The following CRB1 variants were observed in gnomAD, a reference collection of about 807,000 sequenced individuals.
The protein encoded by CRB1 is crumbs cell polarity complex component 1.
Under a neutral mutation model 120.0 loss-of-function variants are expected in CRB1, and 83 were observed. That is an observed-to-expected ratio of 0.69 (90% CI 0.58 to 0.83). The LOEUF is 0.83. CRB1 is among the 40% of genes least tolerant of loss of function. CRB1 has a pLI of 0.00. For synonymous variants in CRB1, 625 were observed against 612.5 expected (o/e 1.02, Z -0.30); for missense variants, 1,699 against 1,687.6 (o/e 1.01, Z -0.12).
At chr1:197,211,018 A>G in the CRB1 span, among the ~76,000 whole-genome samples, 1 of 152,234 alleles carries the variant, frequency 6.6e-6, no homozygotes, top group African/African-American at 2.4e-5. Context: ...AATAAGCTTA[A>G]TCATAAACGG....
rs3818817 is a variant in CRB1, at chr1:197,347,631, C to T, written c.988+152C>T. 6 of 830,710 alleles carry T rather than the reference C, an allele frequency of 7.2e-6. No homozygotes were observed. The East Asian group carries it at 1.6e-4, about 22-fold the overall frequency. The allele number at this position is 830,710 out of a possible 1,614,324, so 51.5% of individuals were successfully genotyped here. A position where few individuals can be genotyped will look rare whatever the true frequency, so the allele number is the denominator to read the frequency against. On this transcript the variant is annotated intron_variant, in intron 4 of 11. Coordinates refer to ENST00000367400, the MANE Select transcript of CRB1 (RefSeq NM_201253.3). ...GTTTAGTTTTATTCTTCAGTGCTCA[C>T]ACATATTTACTGCTATACTAAATGT...
At chr1:197,433,085 G>A (rs1016835178) in intron 8 of CRB1, among the ~76,000 whole-genome samples, 21 of 150,100 alleles carry the variant, frequency 1.4e-4, no homozygotes, top group Non-Finnish European at 2.2e-4. Flanking sequence ...GAAGAGAGAC[G>A]GGGTCTTATT....
chr1:197,230,649 A>G, the CRB1 span, among the ~76,000 whole-genome samples: 5 of 152,142 alleles, frequency 3.3e-5, no homozygotes, highest in African/African-American at 1.2e-4. Flanking sequence ...CATGTCTACC[A>G]GTGGTATGTG....
At chr1:197,380,278 G>A (rs1168270959) in intron 5 of CRB1, among the ~76,000 whole-genome samples, 3 of 152,150 alleles carry the variant, frequency 2.0e-5, no homozygotes, top group Non-Finnish European at 4.4e-5. Flanking sequence ...ATTTATTTGA[G>A]TGAGTTTTAG....
intron 4 of CRB1, among the ~76,000 whole-genome samples, chr1:197,354,568 T>C (rs1660324284): frequency 6.6e-6 from 1 of 152,090 alleles, no homozygotes; most frequent in Non-Finnish European, 1.5e-5. Flanking sequence ...AGATGGCACG[T>C]CTGGCCGCGT....
In CRB1 at chr1:197,328,413, T is replaced by C. The variant is rs571591819; in HGVS notation, c.71-9T>C. 29 of 1,599,786 alleles carry C rather than the reference T, an allele frequency of 1.8e-5. No homozygotes were observed. The East Asian group carries it at 6.2e-4, about 34-fold the overall frequency. ...AAATTTAATCTTGTTACTTTTTATT[T>C]CCTTGTAGATTCCTTTTGCAATAAA... On this transcript the variant is annotated splice_polypyrimidine_tract_variant and intron_variant, in intron 1 of 11. Coordinates refer to ENST00000367400, the MANE Select transcript of CRB1 (RefSeq NM_201253.3).
In CRB1 at chr1:197,478,179, T is replaced by G; in HGVS notation, c.*300T>G. 1 of 383,566 alleles carries G rather than the reference T, an allele frequency of 2.6e-6. No homozygotes were observed. The highest frequency in any genetic ancestry group is 4.8e-6 in the Non-Finnish European group (1 of 206,494). 23.8% of individuals were successfully genotyped at this position (383,566 alleles called of 1,614,324 possible). A position where few individuals can be genotyped will look rare whatever the true frequency, so the allele number is the denominator to read the frequency against. On this transcript the variant is annotated 3_prime_UTR_variant, in exon 12 of 12. Transcript: ENST00000367400. Reference sequence around the variant, plus strand: ...TGGCTTTAGTGGCTATCACTGAAACTCTTTCCTCTTTTCAACCTGGGAACA... The same window carrying G: ...TGGCTTTAGTGGCTATCACTGAAACGCTTTCCTCTTTTCAACCTGGGAACA...
chr1:197,472,127 A>C (rs1264932671), intron 11 of CRB1, among the ~76,000 whole-genome samples: 1 of 152,244 alleles, frequency 6.6e-6, no homozygotes, highest in African/African-American at 2.4e-5. Flanking sequence ...ATACACACAC[A>C]GACACAACTA....
chr1:197,260,131 GGTGACAGA>G, the CRB1 span, among the ~76,000 whole-genome samples: 15 of 151,918 alleles, frequency 9.9e-5, no homozygotes, highest in African/African-American at 3.6e-4. Flanking sequence ...CTCCAGGCTG[GGTGACAGA>G]GTGAGACCCT....
chr1:197,457,153 C>A (rs925145168), intron 11 of CRB1, among the ~76,000 whole-genome samples: 3 of 152,106 alleles, frequency 2.0e-5, no homozygotes, highest in Non-Finnish European at 4.4e-5. Context: ...CCCTCCCCCA[C>A]ACAATCAGCA....
At chr1:197,403,338 G>A (rs567926555) in intron 5 of CRB1, among the ~76,000 whole-genome samples, 17 of 152,230 alleles carry the variant, frequency 1.1e-4, no homozygotes, top group Admixed American at 3.3e-4. Context: ...TTCATTCTCA[G>A]TTCCAAAGAA....
chr1:197,465,980 A>G (rs1666733302), intron 11 of CRB1, among the ~76,000 whole-genome samples: 1 of 152,224 alleles, frequency 6.6e-6, no homozygotes. Context: ...TATATTTTAC[A>G]TGGGTGACTT....
rs141520117 is a variant in CRB1 at position 197,411,877 on chromosome 1, A to G, written c.1172-9123A>G. 7.1e-4 allele frequency among the ~76,000 whole-genome samples: 108 copies of G among 152,256 alleles called. No individual in the cohort carries two copies. The East Asian group carries it at 0.02, about 28-fold the overall frequency. On this transcript the variant is annotated intron_variant, in intron 5 of 11. Transcript: ENST00000367400. ...CAGATTATTTCATCACCCAGATGTTAAGCCTAGTACCCATTAGTTATTTTT... is the reference window on the plus strand; with the variant it reads ...CAGATTATTTCATCACCCAGATGTTGAGCCTAGTACCCATTAGTTATTTTT...
the CRB1 span, among the ~76,000 whole-genome samples, chr1:197,231,008 TAAG>T: frequency 6.6e-6 from 1 of 152,162 alleles, no homozygotes; most frequent in Non-Finnish European, 1.5e-5. Flanking sequence ...TGCAAACTAT[TAAG>T]TGTTATACAA....
intron 1 of CRB1, among the ~76,000 whole-genome samples, chr1:197,287,838 A>G (rs574419135): frequency 6.6e-6 from 1 of 151,994 alleles, no homozygotes; most frequent in African/African-American, 2.4e-5. Context: ...TCTGAGCAAG[A>G]TGGAGTAGGT....
chr1:197,438,752 T>A (rs1270551675), intron 10 of CRB1, 77 bp downstream of exon 10: 1 of 1,557,624 alleles, frequency 6.4e-7, no homozygotes, highest in Non-Finnish European at 8.8e-7. Context: ...CATTTTCTCC[T>A]CTAATTTTTT....
At chr1:197,432,565 T>C (rs1664926124) in intron 8 of CRB1, among the ~76,000 whole-genome samples, 1 of 152,152 alleles carries the variant, frequency 6.6e-6, no homozygotes, top group Non-Finnish European at 1.5e-5. Flanking sequence ...CATTTAATTA[T>C]GTTTACTGAG....
intron 1 of CRB1, among the ~76,000 whole-genome samples, chr1:197,291,558 CTG>C: frequency 6.6e-6 from 1 of 151,898 alleles, no homozygotes; most frequent in South Asian, 2.1e-4. Context: ...ATTCATGACA[CTG>C]TTGGATTTTA....
chr1:197,415,604 T>C (rs1471953042), intron 5 of CRB1, among the ~76,000 whole-genome samples: 4 of 146,962 alleles, frequency 2.7e-5, no homozygotes, highest in African/African-American at 1.1e-4. Context: ...GACCTCTTTT[T>C]CTTTTTTCTT....
Sources: allele counts gnomAD v4.1 joint callset (sites outside exome capture counted in the v4.1 genomes callset), GRCh38; gene constraint gnomAD v4.1.1; transcripts MANE v1.5; gene names NCBI Gene and HGNC (gene_info 2026-07-23, HGNC 2026-07-21).